ITPR2: variants seen among roughly 807,000 people sequenced by gnomAD.
The protein encoded by ITPR2 is inositol 1,4,5-trisphosphate-gated calcium channel ITPR2.
In ITPR2, 207 loss-of-function variants were observed where a neutral mutation model predicts 317.1. That is an observed-to-expected ratio of 0.65 (90% CI 0.58 to 0.73). The LOEUF is 0.73. Ranked by LOEUF, ITPR2 falls within the 30% of genes least tolerant of loss-of-function variation. The probability of loss-of-function intolerance (pLI) is 0.00; values close to 1 mark genes in which losing one functional copy is unlikely to be tolerated. For synonymous variants in ITPR2, 1,156 were observed against 1,149.1 expected, an observed-to-expected ratio of 1.01 and a Z score of -0.12; for missense variants, 2,613 against 3,284.0, an observed-to-expected ratio of 0.80 and a Z score of 4.99.
Position 26,599,257 on chromosome 12 carries a change from A to G in ITPR2, c.3890T>C (p.Val1297Ala). 6.2e-7 allele frequency: 1 copy of G among 1,614,116 alleles called. No individual in the cohort carries two copies. The highest frequency in any genetic ancestry group is 8.5e-7 in the Non-Finnish European group (1 of 1,179,936). Residue 1297 changes from valine (V) to alanine (A), a missense_variant, in exon 30 of 57, where the codon GTG becomes GCG. Val to Ala is a moderately conservative substitution (Grantham distance 64). Coordinates refer to ENST00000381340, the MANE Select transcript of ITPR2 (RefSeq NM_002223.4). ...GCGGCCATGTGTCTCAATGCAGTGC[A>G]CAAAGTGTTGTACAACTCTCTCGCT... ...EISERVVQHFVHCIETHGRHV... is the reference protein window; with the variant it reads ...EISERVVQHFAHCIETHGRHV...
intron 21 of ITPR2, among the ~76,000 whole-genome samples, chr12:26,645,834 G>A (rs144168959): frequency 2.0e-5 from 3 of 152,236 alleles, no homozygotes; most frequent in East Asian, 3.9e-4. Flanking sequence ...TAGCTTGTAC[G>A]TATGTGTTCT....
chr12:26,494,042 TTA>T, intron 39 of ITPR2, 109 bp downstream of exon 39: 1 of 750,346 alleles, frequency 1.3e-6, no homozygotes, highest in Non-Finnish European at 2.0e-6. Flanking sequence ...TTTTTTTTTT[TTA>T]GATAGTAATA....
intron 2 of ITPR2, among the ~76,000 whole-genome samples, chr12:26,767,432 G>C (rs1490783831): frequency 2.0e-5 from 3 of 152,168 alleles, no homozygotes; most frequent in African/African-American, 7.2e-5. Flanking sequence ...CTTAGAAAAA[G>C]CATGTATGTA....
chr12:26,534,721 T>C (rs7312147), intron 37 of ITPR2, among the ~76,000 whole-genome samples: 22,214 of 152,242 alleles, frequency 0.15, 2,302 homozygotes, highest in Non-Finnish European at 0.23. Context: ...AGTTTAAATG[T>C]TGAACACTTA....
chr12:26,606,544 CTTTT>C (rs10701661), intron 26 of ITPR2, among the ~76,000 whole-genome samples: 1 of 143,440 alleles, frequency 7.0e-6, no homozygotes, highest in Non-Finnish European at 1.5e-5. Context: ...TAGTTCCTCC[CTTTT>C]TTTTTTTTTT....
At chr12:26,646,791 T>C (rs190509856) in intron 21 of ITPR2, among the ~76,000 whole-genome samples, 38 of 152,284 alleles carry the variant, frequency 2.5e-4, no homozygotes, top group African/African-American at 4.1e-4. Flanking sequence ...GAATTCTCCA[T>C]TGAATTTTTT....
At chr12:26,696,892 T>C (rs1352383127) in intron 9 of ITPR2, among the ~76,000 whole-genome samples, 1 of 152,228 alleles carries the variant, frequency 6.6e-6, no homozygotes, top group African/African-American at 2.4e-5. Context: ...CCTAGTCTGC[T>C]ACCTGTCTCT....
intron 37 of ITPR2, among the ~76,000 whole-genome samples, chr12:26,520,030 G>C (rs533782947): frequency 1.3e-5 from 2 of 152,150 alleles, no homozygotes; most frequent in Non-Finnish European, 2.9e-5. Context: ...ATGGGAACAC[G>C]GTGCAAGGGC....
chr12:26,352,163 G>T (rs1305704196), intron 55 of ITPR2, among the ~76,000 whole-genome samples: 1 of 152,186 alleles, frequency 6.6e-6, no homozygotes, highest in African/African-American at 2.4e-5. Context: ...CCTCCCTGTG[G>T]CAGCTAGAGC....
intron 2 of ITPR2, among the ~76,000 whole-genome samples, chr12:26,746,451 C>G (rs568979377): frequency 2.6e-5 from 4 of 152,310 alleles, no homozygotes; most frequent in African/African-American, 9.6e-5. Flanking sequence ...ATTTGCCACT[C>G]TAAAACATGT....
At chr12:26,808,603 C>T (rs1252594567) in intron 1 of ITPR2, among the ~76,000 whole-genome samples, 1 of 152,032 alleles carries the variant, frequency 6.6e-6, no homozygotes, top group Non-Finnish European at 1.5e-5. Flanking sequence ...AGCTTGGGTC[C>T]AAGCTTGGGT....
intron 47 of ITPR2, 132 bp downstream of exon 47, chr12:26,438,995 C>A (rs1010498362): frequency 8.1e-6 from 5 of 617,438 alleles, no homozygotes; most frequent in African/African-American, 3.7e-5. Flanking sequence ...CTTAAGACTG[C>A]AAGTGATTTC....
chr12:26,573,803 G>A (rs1945216917), intron 34 of ITPR2, among the ~76,000 whole-genome samples: 1 of 152,200 alleles, frequency 6.6e-6, no homozygotes, highest in African/African-American at 2.4e-5. Flanking sequence ...AGGGTGATGG[G>A]AAAAGGTCAG....
At chr12:26,588,716 A>G (rs904345097) in intron 32 of ITPR2, among the ~76,000 whole-genome samples, 3 of 152,234 alleles carry the variant, frequency 2.0e-5, no homozygotes, top group Non-Finnish European at 2.9e-5. Flanking sequence ...AAAACCAATT[A>G]TATCAAAAAA....
At chr12:26,395,559 G>A (rs1390136695) in intron 54 of ITPR2, among the ~76,000 whole-genome samples, 1 of 151,866 alleles carries the variant, frequency 6.6e-6, no homozygotes, top group Non-Finnish European at 1.5e-5. Context: ...TCTTTCAGAG[G>A]TAGTGTACCA....
chr12:26,362,208 G>C (rs1313238332), intron 55 of ITPR2, among the ~76,000 whole-genome samples: 1 of 152,134 alleles, frequency 6.6e-6, no homozygotes, highest in African/African-American at 2.4e-5. Flanking sequence ...ATTCCACAAG[G>C]CAGTGTGTCA....
At chr12:26,376,538 C>A (rs192915800) in intron 55 of ITPR2, among the ~76,000 whole-genome samples, 1 of 151,910 alleles carries the variant, frequency 6.6e-6, no homozygotes, top group Admixed American at 6.5e-5. Context: ...AATCTTTCTG[C>A]CTGTTTATTT....
At chr12:26,639,507 A>C (rs548818264) in intron 21 of ITPR2, among the ~76,000 whole-genome samples, 1 of 151,770 alleles carries the variant, frequency 6.6e-6, no homozygotes, top group Non-Finnish European at 1.5e-5. Flanking sequence ...TTTAGGGTAC[A>C]TGTGCACAAC....
chr12:26,514,861 T>C (rs1459343977), intron 37 of ITPR2, among the ~76,000 whole-genome samples: 2 of 152,230 alleles, frequency 1.3e-5, no homozygotes, highest in African/African-American at 2.4e-5. Flanking sequence ...ATTTGTATTG[T>C]AGCTATGACT....
Sources: allele counts gnomAD v4.1 joint callset (sites outside exome capture counted in the v4.1 genomes callset), GRCh38; gene constraint gnomAD v4.1.1; transcripts MANE v1.5; gene names NCBI Gene and HGNC (gene_info 2026-07-23, HGNC 2026-07-21).